SCHIP1: variants seen among roughly 807,000 people sequenced by gnomAD.
The protein encoded by SCHIP1 is schwannomin interacting protein 1.
SCHIP1 carries 8 observed loss-of-function variants against 29.7 expected under a neutral mutation model. The ratio of observed to expected loss-of-function variants is 0.27; its 90% confidence interval spans 0.16 to 0.49. SCHIP1 has a LOEUF of 0.49. Ranked by LOEUF, SCHIP1 falls within the 20% of genes least tolerant of loss-of-function variation. The probability of loss-of-function intolerance (pLI) is 0.99; values close to 1 mark genes in which losing one functional copy is unlikely to be tolerated. For synonymous variants in SCHIP1, 76 were observed against 94.9 expected (o/e 0.80, Z 1.16); for missense variants, 193 against 294.6 (o/e 0.66, Z 2.52).
chr3:159,493,789 G>C, the SCHIP1 span, among the ~76,000 whole-genome samples: 73 of 152,170 alleles, frequency 4.8e-4, no homozygotes, highest in African/African-American at 1.6e-3. Context: ...CCCAAATCAA[G>C]AGAATATACA....
chr3:159,780,049 C>A, the SCHIP1 span, among the ~76,000 whole-genome samples: 1 of 152,164 alleles, frequency 6.6e-6, no homozygotes, highest in Non-Finnish European at 1.5e-5. Context: ...GGGGGACTAC[C>A]TCTTCCGCGT....
the SCHIP1 span, among the ~76,000 whole-genome samples, chr3:159,517,431 T>C: frequency 9.1e-4 from 139 of 152,240 alleles, no homozygotes; most frequent in Admixed American, 4.3e-3. Flanking sequence ...GCCTTCAAAA[T>C]AAGGTGATAT....
chr3:159,821,879 G>T, the SCHIP1 span, among the ~76,000 whole-genome samples: 8 of 152,154 alleles, frequency 5.3e-5, no homozygotes, highest in Non-Finnish European at 1.2e-4. Flanking sequence ...GTGATACTGC[G>T]ACAGTTCATC....
the SCHIP1 span, among the ~76,000 whole-genome samples, chr3:159,524,792 A>G: frequency 6.6e-6 from 1 of 152,224 alleles, no homozygotes; most frequent in Non-Finnish European, 1.5e-5. Flanking sequence ...AGGGAAGCTC[A>G]GTAAGCTCAT....
upstream of SCHIP1, among the ~76,000 whole-genome samples, chr3:159,837,474 A>G (rs575521825): frequency 1.3e-5 from 2 of 152,236 alleles, no homozygotes; most frequent in South Asian, 4.1e-4. Context: ...TGTAATCCCA[A>G]CACTTTGGTA....
At chr3:159,695,550 C>G in the SCHIP1 span, among the ~76,000 whole-genome samples, 1 of 152,144 alleles carries the variant, frequency 6.6e-6, no homozygotes. Flanking sequence ...TTGAAGTGGT[C>G]AAGACTCAGG....
chr3:159,668,589 A>G, the SCHIP1 span, among the ~76,000 whole-genome samples: 1 of 152,092 alleles, frequency 6.6e-6, no homozygotes, highest in Non-Finnish European at 1.5e-5. Context: ...TCTTAACAAT[A>G]GAGTCAAGAT....
the SCHIP1 span, among the ~76,000 whole-genome samples, chr3:159,317,544 A>T: frequency 1.3e-5 from 2 of 152,222 alleles, no homozygotes; most frequent in Non-Finnish European, 2.9e-5. Flanking sequence ...TTCAGAGCAT[A>T]CATGGTCTTC....
the SCHIP1 span, among the ~76,000 whole-genome samples, chr3:159,397,656 C>T: frequency 6.6e-5 from 10 of 152,208 alleles, no homozygotes; most frequent in South Asian, 1.4e-3. Flanking sequence ...CAGGGACCCA[C>T]TTGAGGAGGC....
chr3:159,554,575 C>T, the SCHIP1 span, among the ~76,000 whole-genome samples: 1 of 152,124 alleles, frequency 6.6e-6, no homozygotes, highest in Non-Finnish European at 1.5e-5. Flanking sequence ...TGGTATTTCT[C>T]CCCCTCTCAC....
chr3:159,656,209 TG>T, the SCHIP1 span, among the ~76,000 whole-genome samples: 2 of 152,210 alleles, frequency 1.3e-5, no homozygotes, highest in Non-Finnish European at 2.9e-5. Flanking sequence ...TCAGGTGCTC[TG>T]GGTACTTCAT....
the SCHIP1 span, among the ~76,000 whole-genome samples, chr3:159,405,982 A>T: frequency 2.6e-5 from 4 of 151,968 alleles, no homozygotes; most frequent in African/African-American, 4.8e-5. Flanking sequence ...TAGCCTCAAG[A>T]GGGCAAGTCT....
the SCHIP1 span, among the ~76,000 whole-genome samples, chr3:159,293,201 A>G: frequency 2.0e-5 from 3 of 152,352 alleles, no homozygotes; most frequent in East Asian, 3.9e-4. Context: ...TAGAGATGCT[A>G]GAACAAAATT....
the SCHIP1 span, among the ~76,000 whole-genome samples, chr3:159,779,436 A>G: frequency 0.14 from 20,698 of 151,220 alleles, 1,633 homozygotes; most frequent in Middle Eastern, 0.29. Context: ...GGGAGGCCTG[A>G]GTGGGCAGAT....
the SCHIP1 span, among the ~76,000 whole-genome samples, chr3:159,524,229 T>C: frequency 1.7e-4 from 26 of 152,248 alleles, no homozygotes; most frequent in Admixed American, 1.0e-3. Flanking sequence ...TCTTGGCAGA[T>C]ATTCTGCCAT....
chr3:159,754,171 A>G, the SCHIP1 span, among the ~76,000 whole-genome samples: 66 of 152,258 alleles, frequency 4.3e-4, no homozygotes, highest in Non-Finnish European at 7.9e-4. Flanking sequence ...ATAACAGGTT[A>G]TGGGATATAA....
At chr3:159,624,807 G>C in the SCHIP1 span, among the ~76,000 whole-genome samples, 4 of 152,142 alleles carry the variant, frequency 2.6e-5, no homozygotes, top group Non-Finnish European at 4.4e-5. Flanking sequence ...CAACGAAAAG[G>C]TTGTGAGTCA....
chr3:159,764,607 CTA>C, the SCHIP1 span: 1 of 1,609,720 alleles, frequency 6.2e-7, no homozygotes, highest in Non-Finnish European at 8.5e-7. The surrounding 1 kb of genome is among the most constrained non-coding windows in gnomAD (Gnocchi z 6.1). Context: ...CCCTGGAGGA[CTA>C]TGAGGAGCCC....
the SCHIP1 span, among the ~76,000 whole-genome samples, chr3:159,445,871 T>C: frequency 1.0e-5 from 1 of 96,634 alleles, no homozygotes; most frequent in Non-Finnish European, 1.9e-5. Context: ...CTCTGGGGAC[T>C]GTTGTGGGGT....
Sources: allele counts gnomAD v4.1 joint callset (sites outside exome capture counted in the v4.1 genomes callset), GRCh38; gene constraint gnomAD v4.1.1; non-coding constraint Gnocchi (gnomAD v3.1); transcripts MANE v1.5; gene names NCBI Gene and HGNC (gene_info 2026-07-23, HGNC 2026-07-21).